The following DOCK3 variants were observed in gnomAD, a reference collection of about 807,000 sequenced individuals.
DOCK3 encodes dedicator of cytokinesis protein 3.
A neutral mutation model predicts 265.6 loss-of-function variants in DOCK3; 60 were observed. The ratio of observed to expected loss-of-function variants is 0.23; its 90% confidence interval spans 0.18 to 0.28. The LOEUF is 0.28. DOCK3 is among the 10% of genes least tolerant of loss of function. The pLI is 1.00. For missense variants in DOCK3, 1,981 were observed against 2,594.3 expected (o/e 0.76, Z 5.14); for synonymous variants, 881 against 938.0 (o/e 0.94, Z 1.11).
intron 1 of DOCK3, among the ~76,000 whole-genome samples, chr3:50,688,556 G>C (rs140861883): frequency 0.025 from 3,791 of 152,240 alleles, 181 homozygotes; most frequent in African/African-American, 0.087. Flanking sequence ...TCTGCCTCCT[G>C]GGTTCAAGCG....
intron 18 of DOCK3, 63 bp from the exon 19 acceptor site, chr3:51,229,449 T>TAAAA: frequency 9.5e-7 from 1 of 1,056,966 alleles, no homozygotes; most frequent in Non-Finnish European, 1.3e-6. Flanking sequence ...AGACTCCGTC[T>TAAAA]AAAAAAAAAA....
intron 2 of DOCK3, among the ~76,000 whole-genome samples, chr3:50,800,370 GTTA>G (rs201214650): frequency 0.094 from 14,305 of 152,090 alleles, 821 homozygotes; most frequent in Non-Finnish European, 0.12. Flanking sequence ...CTCATTACTT[GTTA>G]TTATTGTTAT....
intron 5 of DOCK3, among the ~76,000 whole-genome samples, chr3:51,018,661 G>A (rs1012289672): frequency 6.6e-6 from 1 of 151,772 alleles, no homozygotes; most frequent in Admixed American, 6.6e-5. Context: ...CTTTATACAT[G>A]TAGTCAGAAG....
chr3:51,347,968 G>T (rs946993532), intron 38 of DOCK3, among the ~76,000 whole-genome samples: 2 of 152,192 alleles, frequency 1.3e-5, no homozygotes, highest in Non-Finnish European at 2.9e-5. Context: ...AGGAATGCTT[G>T]TGATTTTTGC....
At position 50,864,220 on chromosome 3, in the gene DOCK3, T is replaced by C. The variant is rs545510958; in HGVS notation, c.162+22505T>C. Among the ~76,000 whole-genome samples the C allele has an allele frequency of 9.8e-5, 15 of 152,334 alleles. No individual in the cohort carries two copies. The South Asian group carries it at 3.1e-3, about 32-fold the overall frequency. ...CCTGATTATTAGTGATATTGAGCAT[T>C]GTTTAATATACCTGTTGCCATTTGT... On this transcript the variant is annotated intron_variant, in intron 3 of 52. Coordinates refer to ENST00000266037, the MANE Select transcript of DOCK3 (RefSeq NM_004947.5).
intron 1 of DOCK3, among the ~76,000 whole-genome samples, chr3:50,753,531 T>C (rs1196610546): frequency 6.6e-6 from 1 of 152,128 alleles, no homozygotes; most frequent in Non-Finnish European, 1.5e-5. Context: ...TGTTTGTTTT[T>C]AGTTTACTTT....
At chr3:51,011,332 C>CT (rs1056498030) in intron 5 of DOCK3, among the ~76,000 whole-genome samples, 2 of 152,010 alleles carry the variant, frequency 1.3e-5, no homozygotes, top group African/African-American at 4.8e-5. Flanking sequence ...TCTTTTTATT[C>CT]TTTTTTCTCT....
intron 1 of DOCK3, among the ~76,000 whole-genome samples, chr3:50,723,500 G>A (rs932493452): frequency 7.3e-5 from 11 of 151,682 alleles, no homozygotes; most frequent in African/African-American, 2.7e-4. Context: ...GCGAAACCTC[G>A]TATCTACTTT....
At chr3:51,138,505 C>T (rs2084908988) in intron 9 of DOCK3, among the ~76,000 whole-genome samples, 1 of 152,212 alleles carries the variant, frequency 6.6e-6, no homozygotes, top group South Asian at 2.1e-4. Context: ...GAGAACTAAA[C>T]TTAAGGGCTT....
chr3:50,881,163 C>T lies in DOCK3; in HGVS notation c.163-8863C>T, dbSNP rs1575434543. The T allele has an allele frequency of 2.6e-5, 4 of 152,152 alleles. No individual in the cohort carries two copies. In the South Asian group the frequency reaches 6.2e-4, roughly 24 times the overall value. The allele number at this position is 152,152 out of a possible 1,614,324, so 9.4% of individuals were successfully genotyped here. The stretch of plus-strand genomic sequence containing the variant: ...AGAGCTATTTATGACAAACCCACAG[C>T]CAATGTCATACTGAATGGGCAAAAA... On this transcript the variant is annotated intron_variant, in intron 3 of 52. Transcript: ENST00000266037.
chr3:51,073,377 C>T (rs2081953826), intron 6 of DOCK3, among the ~76,000 whole-genome samples: 1 of 152,180 alleles, frequency 6.6e-6, no homozygotes, highest in South Asian at 2.1e-4. Context: ...CTCGCTCTTG[C>T]ACTCCGTGAA....
At chr3:51,180,830 GCCTT>G (rs2087247654) in intron 12 of DOCK3, among the ~76,000 whole-genome samples, 1 of 152,186 alleles carries the variant, frequency 6.6e-6, no homozygotes, top group Admixed American at 6.5e-5. Context: ...TCAATGTGGA[GCCTT>G]GTGGTGGAGA....
At chr3:51,308,749 G>C (rs1326888220) in intron 27 of DOCK3, among the ~76,000 whole-genome samples, 1 of 152,212 alleles carries the variant, frequency 6.6e-6, no homozygotes, top group Non-Finnish European at 1.5e-5. Flanking sequence ...CTCCCAGACG[G>C]GGTGGTGGCC....
intron 22 of DOCK3, among the ~76,000 whole-genome samples, chr3:51,250,262 T>A: frequency 2.4e-5 from 2 of 82,914 alleles, no homozygotes; most frequent in African/African-American, 5.4e-5. Flanking sequence ...CACCCAAGAA[T>A]GATCAATAAA....
intron 2 of DOCK3, chr3:50,786,694 G>A (rs2042201134): frequency 1.5e-6 from 1 of 665,346 alleles, no homozygotes. Flanking sequence ...AGATTTCACA[G>A]ATAAAGGGTT....
chr3:50,777,466 G>C (rs1474555529), intron 1 of DOCK3, among the ~76,000 whole-genome samples: 1 of 152,056 alleles, frequency 6.6e-6, no homozygotes, highest in African/African-American at 2.4e-5. Context: ...ATGATATTTT[G>C]ATGGGAATTG....
chr3:51,380,017 T>C, intron 51 of DOCK3, 108 bp from the exon 52 acceptor site: 1 of 999,448 alleles, frequency 1.0e-6, no homozygotes, highest in Non-Finnish European at 1.5e-6. Flanking sequence ...TGCTGAGGGG[T>C]CCCCAGGGGA....
At chr3:50,728,911 TG>T (rs11356108) in intron 1 of DOCK3, among the ~76,000 whole-genome samples, 150,103 of 150,104 alleles carry the variant, frequency 1, 75,051 homozygotes, top group Non-Finnish European at 1. Flanking sequence ...TTAGTGGAGA[TG>T]GGGGTTTCAC....
chr3:51,327,323 A>G (rs2084193429), intron 32 of DOCK3, among the ~76,000 whole-genome samples: 1 of 152,206 alleles, frequency 6.6e-6, no homozygotes, highest in African/African-American at 2.4e-5. Flanking sequence ...CCAAAGAGGA[A>G]TGTTACCACC....
Sources: gnomAD v4.1 joint callset for allele counts (sites outside exome capture counted in the v4.1 genomes callset) on GRCh38, gnomAD v4.1.1 for gene constraint, MANE v1.5 for transcripts, NCBI Gene and HGNC (gene_info 2026-07-23, HGNC 2026-07-21) for gene names.